The following CSMD3 variants were observed in gnomAD, a reference collection of about 807,000 sequenced individuals.
CSMD3 encodes CUB and Sushi multiple domains 3, also known as CUB and sushi domain-containing protein 3.
Under a neutral mutation model 435.2 loss-of-function variants are expected in CSMD3, and 177 were observed. The observed-to-expected ratio is 0.41, with a 90% CI of 0.36 to 0.46. The LOEUF is 0.46. CSMD3 is among the 20% of genes least tolerant of loss of function. CSMD3 has a pLI of 0.34. For synonymous variants in CSMD3, 1,656 were observed against 1,520.5 expected (o/e 1.09, Z -2.07); for missense variants, 4,265 against 4,504.6 (o/e 0.95, Z 1.52).
At chr8:112,758,355 A>G (rs1475810054) in intron 13 of CSMD3, among the ~76,000 whole-genome samples, 2 of 151,892 alleles carry the variant, frequency 1.3e-5, no homozygotes, top group Admixed American at 6.6e-5. Flanking sequence ...CCATTTCAAA[A>G]AAAAAAAATT....
chr8:112,429,013 T>A (rs1000747882), intron 32 of CSMD3, among the ~76,000 whole-genome samples: 1 of 152,172 alleles, frequency 6.6e-6, no homozygotes, highest in Non-Finnish European at 1.5e-5. Context: ...AACTAGCATA[T>A]GCATCACCTC....
At chr8:112,664,472 T>C (rs1011338356) in intron 17 of CSMD3, among the ~76,000 whole-genome samples, 1 of 152,158 alleles carries the variant, frequency 6.6e-6, no homozygotes, top group Admixed American at 6.6e-5. Context: ...ACATAAGCCA[T>C]GTAAACCAAT....
At chr8:112,417,111 G>A (rs1811998192) in intron 32 of CSMD3, among the ~76,000 whole-genome samples, 1 of 152,154 alleles carries the variant, frequency 6.6e-6, no homozygotes, top group Non-Finnish European at 1.5e-5. Flanking sequence ...AAGAATGGAT[G>A]AAGCAACCTA....
chr8:112,682,230 TA>T (rs1389426424), intron 16 of CSMD3, among the ~76,000 whole-genome samples: 1 of 152,142 alleles, frequency 6.6e-6, no homozygotes, highest in Non-Finnish European at 1.5e-5. Flanking sequence ...GAGCTTTTTT[TA>T]AAAGGAAGCT....
At chr8:113,330,249 C>T (rs1180953179) in intron 1 of CSMD3, among the ~76,000 whole-genome samples, 3 of 151,740 alleles carry the variant, frequency 2.0e-5, no homozygotes, top group Non-Finnish European at 4.4e-5. Flanking sequence ...TTAATCTGAA[C>T]TAGAATGTTG....
At chr8:112,450,618 G>A (rs1563550454) in intron 32 of CSMD3, among the ~76,000 whole-genome samples, 1 of 152,154 alleles carries the variant, frequency 6.6e-6, no homozygotes, top group East Asian at 1.9e-4. Context: ...TGTGACCTTG[G>A]TGAGTTTATC....
At chr8:112,872,046 A>C (rs1012753907) in intron 10 of CSMD3, among the ~76,000 whole-genome samples, 1 of 152,054 alleles carries the variant, frequency 6.6e-6, no homozygotes, top group African/African-American at 2.4e-5. Context: ...TTATTAAACT[A>C]TAGATAATAG....
intron 32 of CSMD3, among the ~76,000 whole-genome samples, chr8:112,456,433 T>C (rs923643360): frequency 1.3e-5 from 2 of 152,062 alleles, no homozygotes; most frequent in African/African-American, 4.8e-5. Flanking sequence ...AAATAAATAG[T>C]TCTATGAAAT....
At chr8:112,451,064 A>C (rs1258900791) in intron 32 of CSMD3, among the ~76,000 whole-genome samples, 1 of 152,210 alleles carries the variant, frequency 6.6e-6, no homozygotes, top group Non-Finnish European at 1.5e-5. Flanking sequence ...AATATTATGG[A>C]ACTATTAAAA....
chr8:113,211,234 A>G (rs977652522), intron 3 of CSMD3, among the ~76,000 whole-genome samples: 17 of 152,298 alleles, frequency 1.1e-4, no homozygotes, highest in African/African-American at 4.1e-4. Flanking sequence ...TCTCCTTTTA[A>G]TAATTTTAGT....
At chr8:112,379,208 G>A (rs1315032003) in intron 38 of CSMD3, among the ~76,000 whole-genome samples, 1 of 152,158 alleles carries the variant, frequency 6.6e-6, no homozygotes, top group African/African-American at 2.4e-5. Flanking sequence ...GGTGGCTCAC[G>A]CCTGTAATCC....
At chr8:112,741,977 T>C (rs1456269398) in intron 13 of CSMD3, among the ~76,000 whole-genome samples, 1 of 151,858 alleles carries the variant, frequency 6.6e-6, no homozygotes, top group African/African-American at 2.4e-5. Context: ...ATAGAATTAA[T>C]AGGCTTGACA....
At chr8:112,922,540 C>T (rs2082777521) in intron 9 of CSMD3, among the ~76,000 whole-genome samples, 1 of 151,914 alleles carries the variant, frequency 6.6e-6, no homozygotes, top group Non-Finnish European at 1.5e-5. Flanking sequence ...ACTAACCTTC[C>T]CAGCCTCTGG....
chr8:112,287,391 T>A, intron 57 of CSMD3, 145 bp from the exon 58 acceptor site: 1 of 738,376 alleles, frequency 1.4e-6, no homozygotes, highest in East Asian at 2.6e-5. Context: ...ATATTTCTTA[T>A]CTGACTCCAG....
chr8:113,098,386 G>C, intron 5 of CSMD3: 1 of 220,922 alleles, frequency 4.5e-6, no homozygotes, highest in Non-Finnish European at 9.1e-6. Context: ...CCCAGATGAT[G>C]GTGTTTAATT....
At chr8:113,039,919 T>C (rs1003926918) in intron 5 of CSMD3, among the ~76,000 whole-genome samples, 3 of 152,192 alleles carry the variant, frequency 2.0e-5, no homozygotes, top group South Asian at 2.1e-4. Flanking sequence ...TTATATATGT[T>C]GGGTACCCTT....
At chr8:112,888,851 A>T (rs2081691436) in intron 10 of CSMD3, among the ~76,000 whole-genome samples, 1 of 151,606 alleles carries the variant, frequency 6.6e-6, no homozygotes, top group African/African-American at 2.4e-5. Context: ...GATGAGGTGC[A>T]CCTGCATGAA....
At chr8:113,333,523 T>TA (rs2094044094) in intron 1 of CSMD3, among the ~76,000 whole-genome samples, 1 of 151,886 alleles carries the variant, frequency 6.6e-6, no homozygotes, top group South Asian at 2.1e-4. Context: ...CACTATTTAG[T>TA]AAAAAATCTA....
chr8:112,636,744 C>T (rs771404096), intron 22 of CSMD3, 73 bp downstream of exon 22: 14 of 1,231,704 alleles, frequency 1.1e-5, no homozygotes, highest in Admixed American at 1.7e-5. Context: ...TTATAAAGAA[C>T]GAAGGGTGTA....
Sources: allele counts gnomAD v4.1 joint callset (sites outside exome capture counted in the v4.1 genomes callset), GRCh38; gene constraint gnomAD v4.1.1; transcripts MANE v1.5; gene names NCBI Gene and HGNC (gene_info 2026-07-23, HGNC 2026-07-21).